The following EXPH5 variants were observed in gnomAD, a reference collection of about 807,000 sequenced individuals.
EXPH5 encodes exophilin-5.
In EXPH5, 42 loss-of-function variants were observed where a neutral mutation model predicts 41.1. The ratio of observed to expected loss-of-function variants is 1.02; its 90% confidence interval spans 0.80 to 1.32. The LOEUF is 1.32. Among genes scored for constraint, EXPH5 ranks in the 40% most tolerant of loss-of-function variants. EXPH5 has a pLI of 0.00. For synonymous variants in EXPH5, 798 were observed against 833.5 expected, an observed-to-expected ratio of 0.96 and a Z score of 0.73; for missense variants, 2,298 against 2,314.5, an observed-to-expected ratio of 0.99 and a Z score of 0.15.
At chr11:108,572,748 G>A (rs2094064923) in intron 1 of EXPH5, among the ~76,000 whole-genome samples, 1 of 151,906 alleles carries the variant, frequency 6.6e-6, no homozygotes. Flanking sequence ...TAGTAGAGAT[G>A]GGGTTTCACC....
Position 108,509,169 on chromosome 11 carries a change from G to C in EXPH5, c.*368C>G, listed in dbSNP as rs142695755. On this transcript the variant is annotated 3_prime_UTR_variant, in exon 6 of 6. Coordinates refer to ENST00000265843, the MANE Select transcript of EXPH5 (RefSeq NM_015065.3). The stretch of plus-strand genomic sequence containing the variant: ...CACAGTTGTGCTGGGTAATTCATAA[G>C]TTTTGTATGTGCCTGGGATATTAGG... 12 of 170,832 alleles carry C rather than the reference G, an allele frequency of 7.0e-5. No homozygotes were observed. The East Asian group carries it at 1.9e-3, about 27-fold the overall frequency. The allele number at this position is 170,832 out of a possible 1,614,324, so 10.6% of individuals were successfully genotyped here.
rs139610286 is a variant in EXPH5, at chr11:108,527,157, T to C, written c.492+979A>G. Among the ~76,000 whole-genome samples, 1,024 of 152,092 alleles carry C rather than the reference T, an allele frequency of 6.7e-3. 9 individuals are homozygous for C. The highest frequency in any genetic ancestry group is 0.023 in the African/African-American group (972 of 41,488). ...CAATATGGTGAAACCCTGTGTCTAC[T>C]AAAAATATAAAAATTAGCTGGGTGT... On this transcript the variant is annotated intron_variant, in intron 4 of 5. Coordinates refer to ENST00000265843, the MANE Select transcript of EXPH5 (RefSeq NM_015065.3).
intron 5 of EXPH5, among the ~76,000 whole-genome samples, chr11:108,515,633 T>C (rs903225965): frequency 2.0e-5 from 3 of 152,210 alleles, no homozygotes; most frequent in Non-Finnish European, 2.9e-5. Context: ...GTCCTATTAC[T>C]ATTCTCATTC....
In EXPH5 at chr11:108,585,664, G is replaced by A. The variant is rs189525535; in HGVS notation, c.119+7754C>T. 2.0e-3 allele frequency among the ~76,000 whole-genome samples: 306 copies of A among 152,254 alleles called. 1 individual carries two copies. Among genetic ancestry groups the A allele is most frequent in the Middle Eastern group, 0.01 (3 of 294 alleles). On this transcript the variant is annotated intron_variant, in intron 1 of 5. Coordinates refer to ENST00000265843, the MANE Select transcript of EXPH5 (RefSeq NM_015065.3). ...GAGATTGGAACTCTTATATACTGTTGGTAGGAATGCAGAATGGTACAGCTG... is the reference window on the plus strand; with the variant it reads ...GAGATTGGAACTCTTATATACTGTTAGTAGGAATGCAGAATGGTACAGCTG...
At position 108,511,621 on chromosome 11, in the gene EXPH5, C is replaced by T; in HGVS notation, c.3886G>A (p.Asp1296Asn). ...TCTCGTGTAGAATAATTCTGTTTGT[C>T]TTTTTCTAAAGCGTTAGGAAATGTT... ...TETFPNALEK[D>N]KQNYSTREQS... is the part of the protein sequence containing the mutation. The change falls in exon 6 of 6, where the codon GAC becomes AAC. Residue 1296 changes from aspartate to asparagine, a missense_variant. Asp to Asn is a conservative substitution (Grantham distance 23, BLOSUM62 1). Transcript: ENST00000265843. 3 of 1,610,750 alleles carry T rather than the reference C, an allele frequency of 1.9e-6. No homozygotes were observed. The highest frequency in any genetic ancestry group is 2.5e-6 in the Non-Finnish European group (3 of 1,179,286).
At position 108,513,758 on chromosome 11, in the gene EXPH5, G is replaced by T. The variant is rs770378309; in HGVS notation, c.1749C>A (p.Cys583Ter). Residue 583 changes from cysteine (C) to a stop codon, truncating the protein, a stop_gained, in exon 6 of 6, where the codon TGC becomes TGA. Coordinates refer to ENST00000265843, the MANE Select transcript of EXPH5 (RefSeq NM_015065.3). LOFTEE classifies it low-confidence loss of function (END_TRUNC). Reference sequence around the variant, plus strand: ...CGTGATAGCTTGAACCAGTCATGGAGCAAACATTTGGTGTGCCAAAATGAG... The same window carrying T: ...CGTGATAGCTTGAACCAGTCATGGATCAAACATTTGGTGTGCCAAAATGAG... ...LTPHFGTPNV[C>*]SMTGSSYHVK... is the part of the protein sequence containing the mutation. The T allele has an allele frequency of 2.5e-6, 4 of 1,607,902 alleles. No individual in the cohort carries two copies. Among genetic ancestry groups the T allele is most frequent in the Non-Finnish European group, 3.4e-6 (4 of 1,177,540 alleles).
At chr11:108,524,091 C>T (rs1213584716) in intron 4 of EXPH5, among the ~76,000 whole-genome samples, 2 of 149,170 alleles carry the variant, frequency 1.3e-5, no homozygotes, top group African/African-American at 5.0e-5. Context: ...GAAATTGAGA[C>T]ACTGAAGATT....
chr11:108,531,708 A>C (rs879153662), intron 3 of EXPH5, among the ~76,000 whole-genome samples: 1 of 152,162 alleles, frequency 6.6e-6, no homozygotes, highest in Admixed American at 6.5e-5. Context: ...TTTCCCCCCA[A>C]GTGTTGGTGG....
Position 108,513,849 on chromosome 11 carries a change from A to T in EXPH5, c.1658T>A (p.Phe553Tyr), listed in dbSNP as rs752398885. The T allele has an allele frequency of 1.3e-6, 2 of 1,570,384 alleles. No homozygotes were observed. The highest frequency in any genetic ancestry group is 2.4e-5 in the South Asian group (2 of 83,376). Residue 553 changes from phenylalanine (F) to tyrosine (Y), a missense_variant, in exon 6 of 6, where the codon TTT becomes TAT. Physicochemically the swap from Phe to Tyr is conservative, Grantham distance 22 (BLOSUM62 3). Coordinates refer to ENST00000265843, the MANE Select transcript of EXPH5 (RefSeq NM_015065.3). ...RGQEEPHPWQ[F>Y]DFQRSTLDSM... ...ATCCAGTGTGGATCTCTGAAAATCA[A>T]ACTGCCAAGGATGTGGCTCTTCTTG...
chr11:108,565,664 G>T (rs2094031431), intron 1 of EXPH5, among the ~76,000 whole-genome samples: 1 of 152,078 alleles, frequency 6.6e-6, no homozygotes, highest in Admixed American at 6.5e-5. Flanking sequence ...CCTGTGGTGT[G>T]GATAATCAGG....
intron 3 of EXPH5, among the ~76,000 whole-genome samples, chr11:108,535,418 G>C (rs1355861866): frequency 6.6e-6 from 1 of 152,128 alleles, no homozygotes; most frequent in Non-Finnish European, 1.5e-5. Context: ...AATCACAGAA[G>C]GAGCATTTCC....
At chr11:108,569,807 A>G (rs1413007377) in intron 1 of EXPH5, among the ~76,000 whole-genome samples, 1 of 148,360 alleles carries the variant, frequency 6.7e-6, no homozygotes, top group East Asian at 2.0e-4. Flanking sequence ...AAAAAAATCT[A>G]TGGGGCTCTC....
At chr11:108,524,244 T>C (rs1173499825) in intron 4 of EXPH5, among the ~76,000 whole-genome samples, 2 of 152,234 alleles carry the variant, frequency 1.3e-5, no homozygotes, top group Admixed American at 6.5e-5. Context: ...CTTTGTACCT[T>C]AGTTTCTTTC....
intron 1 of EXPH5, among the ~76,000 whole-genome samples, chr11:108,585,742 T>A (rs963213488): frequency 2.0e-5 from 3 of 152,156 alleles, no homozygotes; most frequent in Non-Finnish European, 4.4e-5. Context: ...GATCCAGCAA[T>A]TCCACTACTA....
rs1452536491 is a variant in EXPH5 at position 108,506,154 on chromosome 11, C to G, written c.*3383G>C. On this transcript the variant is annotated 3_prime_UTR_variant, in exon 6 of 6. Transcript: ENST00000265843. ...ACATGAATGTTTATTTTAATAATGA[C>G]TATATCTTTCAGAAAACAAGTTATG... The G allele has an allele frequency of 6.6e-6, 1 of 151,988 alleles. No homozygotes were observed. Among genetic ancestry groups the G allele is most frequent in the Non-Finnish European group, 1.5e-5 (1 of 68,008 alleles). The allele number at this position is 151,988 out of a possible 1,614,324, so 9.4% of individuals were successfully genotyped here. A position where few individuals can be genotyped will look rare whatever the true frequency, so the allele number is the denominator to read the frequency against.
rs147689656 is a variant in EXPH5, at chr11:108,580,666, C to G, written c.119+12752G>C. ...ATATAGAATCAACCTAGGTATCCAACAGATGAATGGATAAAGAAAATGTGG... is the reference window on the plus strand; with the variant it reads ...ATATAGAATCAACCTAGGTATCCAAGAGATGAATGGATAAAGAAAATGTGG... On this transcript the variant is annotated intron_variant, in intron 1 of 5. Transcript: ENST00000265843. Among the ~76,000 whole-genome samples the G allele has an allele frequency of 2.7e-4, 41 of 150,972 alleles. No homozygotes were observed. In the East Asian group the frequency reaches 6.8e-3, roughly 25 times the overall value.
At chr11:108,528,695 C>CTTTTTTTTT (rs58500316) in intron 3 of EXPH5, among the ~76,000 whole-genome samples, 5 of 106,324 alleles carry the variant, frequency 4.7e-5, no homozygotes, top group African/African-American at 1.5e-4. Flanking sequence ...TTTTCTTTCC[C>CTTTTTTTTT]TTTTTTTTTT....
intron 1 of EXPH5, chr11:108,568,175 T>TTGGGG (rs71875609): frequency 1.1e-4 from 11 of 102,956 alleles, no homozygotes; most frequent in African/African-American, 3.2e-4. Flanking sequence ...TTACTTTTTT[T>TTGGGG]GGGAGGGGGG....
intron 1 of EXPH5, among the ~76,000 whole-genome samples, chr11:108,590,182 G>A: frequency 6.6e-6 from 1 of 152,070 alleles, no homozygotes; most frequent in East Asian, 1.9e-4. Flanking sequence ...CTAACAATGT[G>A]CAAAATCTGT....
Sources: gnomAD v4.1 joint callset for allele counts (sites outside exome capture counted in the v4.1 genomes callset) on GRCh38, gnomAD v4.1.1 for gene constraint, MANE v1.5 for transcripts, NCBI Gene and HGNC (gene_info 2026-07-23, HGNC 2026-07-21) for gene names.